Variants in SNTG2 observed in about 807,000 individuals in gnomAD.
SNTG2 encodes syntrophin gamma 2, also known as gamma-2-syntrophin.
Under a neutral mutation model 70.9 loss-of-function variants are expected in SNTG2, and 74 were observed. That is an observed-to-expected ratio of 1.04 (90% confidence interval 0.86 to 1.27). The LOEUF (loss-of-function observed/expected upper bound fraction) is 1.27, where lower values mean the gene tolerates loss of function less well. Ranked by LOEUF, SNTG2 falls within the 50% of genes most tolerant of loss-of-function variation. SNTG2 has a pLI of 0.00. For synonymous variants in SNTG2, 278 were observed against 273.8 expected (o/e 1.02, Z -0.15); for missense variants, 717 against 690.7 (o/e 1.04, Z -0.43).
intron 4 of SNTG2, among the ~76,000 whole-genome samples, chr2:1,136,681 AT>A (rs1668407345): frequency 6.6e-6 from 1 of 152,226 alleles, no homozygotes; most frequent in African/African-American, 2.4e-5. Context: ...AAGATTTAAA[AT>A]TGAAACAAAC....
At chr2:1,027,652 A>C (rs1660555761) in intron 1 of SNTG2, among the ~76,000 whole-genome samples, 1 of 143,004 alleles carries the variant, frequency 7.0e-6, no homozygotes, top group African/African-American at 2.6e-5. Context: ...GTAAAGAGAT[A>C]AGCAGGTGCA....
chr2:1,024,331 A>G lies in SNTG2; in HGVS notation c.73-59187A>G, dbSNP rs142125172. On this transcript the variant is annotated intron_variant, in intron 1 of 16. Transcript: ENST00000308624. The stretch of plus-strand genomic sequence containing the variant: ...CAGAAGGTTATTATTTATTTTTTCT[A>G]TAAGTGAAATTATACTTTAAATATA... Among the ~76,000 whole-genome samples the G allele has an allele frequency of 2.3e-3, 355 of 152,354 alleles. 3 individuals are homozygous for G. The highest frequency in any genetic ancestry group is 7.3e-3 in the African/African-American group (302 of 41,584).
At chr2:1,060,533 C>T (rs986954102) in intron 1 of SNTG2, among the ~76,000 whole-genome samples, 3 of 152,096 alleles carry the variant, frequency 2.0e-5, no homozygotes, top group African/African-American at 7.2e-5. Context: ...AACCAGGGCC[C>T]CTGAGGACAG....
chr2:1,171,181 G>A (rs1162293607), intron 7 of SNTG2, among the ~76,000 whole-genome samples: 8 of 152,184 alleles, frequency 5.3e-5, no homozygotes, highest in African/African-American at 1.4e-4. Flanking sequence ...TGTGATAGAA[G>A]AAAGATATAA....
chr2:999,899 T>G (rs1278960249), intron 1 of SNTG2, among the ~76,000 whole-genome samples: 2 of 151,916 alleles, frequency 1.3e-5, no homozygotes, highest in African/African-American at 4.8e-5. Flanking sequence ...TAAGTAAATT[T>G]TCAACAATCA....
chr2:1,244,833 C>A (rs1245429975), intron 11 of SNTG2, among the ~76,000 whole-genome samples: 2 of 151,666 alleles, frequency 1.3e-5, no homozygotes, highest in Non-Finnish European at 2.9e-5. Flanking sequence ...CTGACAAATA[C>A]AATAAGCTTG....
At chr2:1,112,578 C>T (rs1666558902) in intron 4 of SNTG2, among the ~76,000 whole-genome samples, 1 of 150,932 alleles carries the variant, frequency 6.6e-6, no homozygotes, top group Non-Finnish European at 1.5e-5. Context: ...CCTTACAGTC[C>T]TTTGAGAAAG....
intron 9 of SNTG2, among the ~76,000 whole-genome samples, chr2:1,227,006 A>G (rs575203235): frequency 4.6e-5 from 7 of 152,260 alleles, no homozygotes; most frequent in Non-Finnish European, 7.3e-5. Flanking sequence ...CTGGACAGAA[A>G]GCAGGTGCCC....
rs555700929 is a variant in SNTG2 at position 1,094,466 on chromosome 2, A to G, written c.211-3730A>G. On this transcript the variant is annotated intron_variant, in intron 2 of 16. Coordinates refer to ENST00000308624, the MANE Select transcript of SNTG2 (RefSeq NM_018968.4). ...AGGGCCAGCTTCCTGGCCTGCAGGC[A>G]AAGGCCTTATAGGTGTGTCCTCATA... Among the ~76,000 whole-genome samples the G allele has an allele frequency of 7.9e-5, 5 of 63,406 alleles. 1 individual carries two copies. The highest frequency in any genetic ancestry group is 7.8e-4 in the East Asian group (1 of 1,286). 41.6% of individuals were successfully genotyped at this position (63,406 alleles called of 152,430 possible).
At chr2:1,100,759 G>T (rs1665736042) in intron 4 of SNTG2, among the ~76,000 whole-genome samples, 1 of 151,652 alleles carries the variant, frequency 6.6e-6, no homozygotes, top group Admixed American at 6.6e-5. Context: ...TCATTAATGG[G>T]TTTTTTTTTA....
chr2:1,095,092 A>G (rs1665302366), intron 2 of SNTG2, among the ~76,000 whole-genome samples: 1 of 151,994 alleles, frequency 6.6e-6, no homozygotes, highest in Non-Finnish European at 1.5e-5. Flanking sequence ...AAAAAAGAGA[A>G]AAAAAAAGAG....
chr2:1,212,691 G>C (rs921144544), intron 9 of SNTG2, among the ~76,000 whole-genome samples: 5 of 152,124 alleles, frequency 3.3e-5, no homozygotes, highest in African/African-American at 7.2e-5. Context: ...ACATATTTGT[G>C]CAAAGTCCCA....
At chr2:1,286,736 C>T (rs1040569059) in intron 14 of SNTG2, among the ~76,000 whole-genome samples, 3 of 152,282 alleles carry the variant, frequency 2.0e-5, no homozygotes, top group Middle Eastern at 6.8e-3. Context: ...CAGATCACCC[C>T]GAGGAATGGT....
At chr2:1,211,905 A>G (rs1037803479) in intron 9 of SNTG2, among the ~76,000 whole-genome samples, 3 of 152,188 alleles carry the variant, frequency 2.0e-5, no homozygotes, top group African/African-American at 7.2e-5. Flanking sequence ...ATGTAGAAAC[A>G]CATGTGTTAT....
intron 1 of SNTG2, among the ~76,000 whole-genome samples, chr2:1,011,762 TTAA>T (rs77731905): frequency 0.092 from 13,977 of 152,162 alleles, 782 homozygotes; most frequent in Middle Eastern, 0.15. Context: ...TCATTGGACT[TTAA>T]TCAATTACTG....
chr2:1,006,257 C>T lies in SNTG2; in HGVS notation c.72+55189C>T, dbSNP rs1464099800. On this transcript the variant is annotated intron_variant, in intron 1 of 16. Coordinates refer to ENST00000308624, the MANE Select transcript of SNTG2 (RefSeq NM_018968.4). ...AGCGCACTAGCATGGCACATGTATACATATGTAACTAACCTGCACAATGTG... is the reference window on the plus strand; with the variant it reads ...AGCGCACTAGCATGGCACATGTATATATATGTAACTAACCTGCACAATGTG... Among the ~76,000 whole-genome samples the T allele has an allele frequency of 2.6e-5, 4 of 151,254 alleles. No individual in the cohort carries two copies. In the East Asian group the frequency reaches 7.9e-4, roughly 30 times the overall value.
At chr2:1,248,138 G>T (rs933140540) in intron 12 of SNTG2, among the ~76,000 whole-genome samples, 1 of 152,146 alleles carries the variant, frequency 6.6e-6, no homozygotes, top group Non-Finnish European at 1.5e-5. Context: ...CCATTAAAAG[G>T]AAATGAAAAG....
chr2:1,139,668 TAAAAAC>T (rs138297491), intron 6 of SNTG2, among the ~76,000 whole-genome samples: 11,438 of 151,826 alleles, frequency 0.075, 951 homozygotes, highest in African/African-American at 0.2. Flanking sequence ...CTACAAAAAA[TAAAAAC>T]AAAATCTAGT....
chr2:974,055 T>G (rs1660833552), intron 1 of SNTG2, among the ~76,000 whole-genome samples: 1 of 152,222 alleles, frequency 6.6e-6, no homozygotes, highest in South Asian at 2.1e-4. Flanking sequence ...AAAATGGATT[T>G]ATTTATTTAT....
Sources: gnomAD v4.1 joint callset for allele counts (sites outside exome capture counted in the v4.1 genomes callset) on GRCh38, gnomAD v4.1.1 for gene constraint, MANE v1.5 for transcripts, NCBI Gene and HGNC (gene_info 2026-07-23, HGNC 2026-07-21) for gene names.